The following DUS4L variants were observed in gnomAD, a reference collection of about 807,000 sequenced individuals.
The protein encoded by DUS4L is tRNA-dihydrouridine(20a/20b) synthase [NAD(P)+]-like.
Under a neutral mutation model 33.8 loss-of-function variants are expected in DUS4L, and 31 were observed. The ratio of observed to expected loss-of-function variants is 0.92; its 90% CI spans 0.69 to 1.24. The LOEUF is 1.24. DUS4L is among the 50% of genes most tolerant of loss of function. The pLI, the probability that DUS4L is intolerant of heterozygous loss-of-function variation, is 0.00. For synonymous variants in DUS4L, 103 were observed against 120.3 expected (o/e 0.86, Z 0.94); for missense variants, 368 against 388.6 (o/e 0.95, Z 0.45).
chr7:107,572,763 C>A (rs1233705629), intron 4 of DUS4L, among the ~76,000 whole-genome samples: 1 of 151,744 alleles, frequency 6.6e-6, no homozygotes, highest in Non-Finnish European at 1.5e-5. Flanking sequence ...GCCGGAGAAT[C>A]ACTTGAACCT....
At chr7:107,573,653 G>T in intron 4 of DUS4L, 51 bp from the exon 5 acceptor site, 11 of 1,569,036 alleles carry the variant, frequency 7.0e-6, no homozygotes, top group Non-Finnish European at 9.5e-6. Flanking sequence ...GTGTGTGTGT[G>T]CATGGGGTTT....
chr7:107,564,081 A>T lies in DUS4L; in HGVS notation c.-239A>T, dbSNP rs1804295254. ...GCAGGTACTCGAGCAGTGGGCGCCC[A>T]GGGTCCGAGTGCTCTGCGCCCAGCG... On this transcript the variant is annotated 5_prime_UTR_variant, in exon 1 of 8. Coordinates refer to ENST00000265720, the MANE Select transcript of DUS4L (RefSeq NM_181581.3). The T allele has an allele frequency of 7.4e-7, 1 of 1,353,450 alleles. No individual in the cohort carries two copies. Among genetic ancestry groups the T allele is most frequent in the Admixed American group, 2.0e-5 (1 of 49,604 alleles). 83.8% of individuals were successfully genotyped at this position (1,353,450 alleles called of 1,614,324 possible). A position where few individuals can be genotyped will look rare whatever the true frequency, so the allele number is the denominator to read the frequency against.
At chr7:107,565,865 T>G (rs1425047705) in intron 2 of DUS4L, among the ~76,000 whole-genome samples, 1 of 152,174 alleles carries the variant, frequency 6.6e-6, no homozygotes, top group Non-Finnish European at 1.5e-5. Flanking sequence ...ATTGAGGCCT[T>G]CTGTATGCCA....
intron 3 of DUS4L, chr7:107,567,674 C>A: frequency 3.2e-6 from 1 of 316,698 alleles, no homozygotes; most frequent in Non-Finnish European, 6.4e-6. Context: ...ACCTCTCGAT[C>A]ATTTTTAAGT....
In DUS4L at chr7:107,571,043, A is replaced by G; in HGVS notation, c.117-102A>G. ...TAATAGGGAAAAGTAAATCTCCTCC[A>G]TCTCCCCATAGGTAGAACTTTCTCT... On this transcript the variant is annotated intron_variant, in intron 3 of 7. Transcript: ENST00000265720. 5.5e-6 allele frequency: 8 copies of G among 1,457,590 alleles called. No individual in the cohort carries two copies. The South Asian group carries it at 8.6e-5, about 16-fold the overall frequency. The allele number at this position is 1,457,590 out of a possible 1,614,324, so 90.3% of individuals were successfully genotyped here. A position where few individuals can be genotyped will look rare whatever the true frequency, so the allele number is the denominator to read the frequency against.
intron 4 of DUS4L, among the ~76,000 whole-genome samples, 157 bp downstream of exon 4, chr7:107,571,423 T>C (rs1338312266): frequency 6.6e-6 from 1 of 152,256 alleles, no homozygotes; most frequent in Non-Finnish European, 1.5e-5. Context: ...TATTACTGAA[T>C]GCCTTGCAAA....
At chr7:107,564,561 C>T (rs1186008428) in intron 1 of DUS4L, 27 bp from the exon 2 acceptor site, 1 of 152,798 alleles carries the variant, frequency 6.5e-6, no homozygotes, top group African/African-American at 2.4e-5. Context: ...GACCTTTGAC[C>T]TTTTGCCTTT....
intron 2 of DUS4L, among the ~76,000 whole-genome samples, chr7:107,565,560 G>A (rs746695801): frequency 6.6e-6 from 1 of 152,140 alleles, no homozygotes; most frequent in Non-Finnish European, 1.5e-5. Flanking sequence ...GTCTAGCTCT[G>A]TTACCCAGGC....
chr7:107,570,457 C>G (rs1805111967), intron 3 of DUS4L: 1 of 152,524 alleles, frequency 6.6e-6, no homozygotes, highest in Non-Finnish European at 1.5e-5. Context: ...CCACACCAAG[C>G]AGGGAGGGAG....
chr7:107,571,198 C>T lies in DUS4L; in HGVS notation c.170C>T (p.Pro57Leu). The change falls in exon 4 of 8, where the codon CCA becomes CTA. Residue 57 changes from proline to leucine, a missense_variant. By Grantham distance (98) the Pro-to-Leu change is moderately conservative. Transcript: ENST00000265720. ...RKYSCDLCYT[P>L]MIVAADFVKS... Reference sequence around the variant, plus strand: ...TATAGTTGTGATCTGTGTTACACACCAATGATTGTTGCCGCTGATTTTGTC... The same window carrying T: ...TATAGTTGTGATCTGTGTTACACACTAATGATTGTTGCCGCTGATTTTGTC... 6.2e-7 allele frequency: 1 copy of T among 1,611,384 alleles called. No homozygotes were observed. The highest frequency in any genetic ancestry group is 1.1e-5 in the South Asian group (1 of 90,198).
chr7:107,565,257 A>G (rs1055072565), intron 2 of DUS4L, among the ~76,000 whole-genome samples: 2 of 152,200 alleles, frequency 1.3e-5, no homozygotes, highest in African/African-American at 4.8e-5. Flanking sequence ...GACTCAATCC[A>G]TATTCTAAAA....
intron 7 of DUS4L, chr7:107,576,858 TA>T: frequency 2.8e-6 from 1 of 357,902 alleles, no homozygotes; most frequent in South Asian, 5.5e-5. Flanking sequence ...GATAGCCTAC[TA>T]GTAAAATAAA....
chr7:107,573,857 G>A, intron 5 of DUS4L, 36 bp downstream of exon 5: 1 of 1,455,156 alleles, frequency 6.9e-7, no homozygotes, highest in African/African-American at 1.5e-5. Context: ...TTTTCCAAAA[G>A]AGTAGAAAAA....
intron 2 of DUS4L, among the ~76,000 whole-genome samples, chr7:107,566,017 C>T (rs1388270802): frequency 1.3e-5 from 2 of 152,182 alleles, no homozygotes; most frequent in African/African-American, 4.8e-5. Context: ...TGGTCTCTCT[C>T]GTTTTCTGAG....
rs368237773 is a variant in DUS4L, at chr7:107,571,268, T to C, written c.238+2T>C. On this transcript the variant is annotated splice_donor_variant, in intron 4 of 7. Transcript: ENST00000265720. LOFTEE classifies it high-confidence loss of function. ...ACAGCGAATTTACCACAAATCAAGG[T>C]ATGTGAAACCGAGTGTACTGACTTT... 7 of 1,607,236 alleles carry C rather than the reference T, an allele frequency of 4.4e-6. No individual in the cohort carries two copies. The highest frequency in any genetic ancestry group is 1.3e-5 in the African/African-American group (1 of 74,420).
intron 4 of DUS4L, 45 bp downstream of exon 4, chr7:107,571,311 T>G: frequency 6.3e-7 from 1 of 1,576,154 alleles, no homozygotes; most frequent in Non-Finnish European, 8.6e-7. Context: ...TTTTTAAATT[T>G]GTTTACAAAC....
chr7:107,571,281 G>A lies in DUS4L; in HGVS notation c.238+15G>A, dbSNP rs1360999630. ...CACAAATCAAGGTATGTGAAACCGA[G>A]TGTACTGACTTTGTAAAACTTTTTA... On this transcript the variant is annotated intron_variant, in intron 4 of 7. Coordinates refer to ENST00000265720, the MANE Select transcript of DUS4L (RefSeq NM_181581.3). The A allele has an allele frequency of 6.2e-7, 1 of 1,600,820 alleles. No individual in the cohort carries two copies. Among genetic ancestry groups the A allele is most frequent in the Non-Finnish European group, 8.5e-7 (1 of 1,176,522 alleles).
chr7:107,576,152 T>C (rs752807648), intron 6 of DUS4L, among the ~76,000 whole-genome samples: 3 of 152,212 alleles, frequency 2.0e-5, no homozygotes, highest in Non-Finnish European at 4.4e-5. Flanking sequence ...ATAAAACTTG[T>C]TTTTTGTCCT....
chr7:107,570,464 G>A (rs1431736133), intron 3 of DUS4L: 1 of 152,666 alleles, frequency 6.6e-6, no homozygotes, highest in Non-Finnish European at 1.5e-5. Flanking sequence ...AAGCAGGGAG[G>A]GAGAAGAGTG....
Sources: allele counts gnomAD v4.1 joint callset (sites outside exome capture counted in the v4.1 genomes callset), GRCh38; gene constraint gnomAD v4.1.1; transcripts MANE v1.5; gene names NCBI Gene and HGNC (gene_info 2026-07-23, HGNC 2026-07-21).